Variants in DLGAP2 observed in about 807,000 individuals in gnomAD.
DLGAP2 encodes the protein DLG associated protein 2, also known as disks large-associated protein 2.
In DLGAP2, 26 loss-of-function variants were observed where a neutral mutation model predicts 100.3. The observed-to-expected ratio is 0.26, with a 90% CI of 0.19 to 0.36. The LOEUF is 0.36. Ranked by LOEUF, DLGAP2 falls within the 10% of genes least tolerant of loss-of-function variation. DLGAP2 has a pLI of 1.00. For synonymous variants in DLGAP2, 886 were observed against 630.1 expected (o/e 1.41, Z -6.08); for missense variants, 1,858 against 1,453.2 (o/e 1.28, Z -4.53).
At chr8:1,129,593 C>T (rs192357738) in intron 2 of DLGAP2, among the ~76,000 whole-genome samples, 2 of 152,234 alleles carry the variant, frequency 1.3e-5, no homozygotes, top group East Asian at 1.9e-4. Flanking sequence ...ACGAGCCTTG[C>T]GGGAAGCCTG....
intron 3 of DLGAP2, among the ~76,000 whole-genome samples, chr8:1,275,375 C>A (rs78239917): frequency 5.5e-5 from 8 of 144,640 alleles, no homozygotes; most frequent in African/African-American, 1.3e-4. Context: ...AAAAAAAAAA[C>A]ACAATAGATT....
intron 2 of DLGAP2, among the ~76,000 whole-genome samples, chr8:940,375 AG>A (rs1004465257): frequency 6.6e-6 from 1 of 151,522 alleles, no homozygotes; most frequent in African/African-American, 2.4e-5. Flanking sequence ...AGAGAGAGGG[AG>A]AGGGAGAGAG....
At position 1,352,665 on chromosome 8, in the gene DLGAP2, C is replaced by T. The variant is rs544595165; in HGVS notation, c.106+93782C>T. Among the ~76,000 whole-genome samples, 3 of 152,312 alleles carry T rather than the reference C, an allele frequency of 2.0e-5. No homozygotes were observed. The South Asian group carries it at 6.2e-4, about 32-fold the overall frequency. The stretch of plus-strand genomic sequence containing the variant: ...GTAAAGACTCGAACCCTGACTGGGG[C>T]GTGGCTGGCCTTGTCCACGTTCCTT... On this transcript the variant is annotated intron_variant, in intron 3 of 14. Coordinates refer to ENST00000637795, the MANE Select transcript of DLGAP2 (RefSeq NM_001346810.2).
chr8:905,072 G>A (rs897188421), intron 1 of DLGAP2, among the ~76,000 whole-genome samples: 7 of 152,164 alleles, frequency 4.6e-5, no homozygotes, highest in Admixed American at 4.6e-4. Flanking sequence ...TTAGGGGTGA[G>A]CGCCTTTTTC....
intron 2 of DLGAP2, among the ~76,000 whole-genome samples, chr8:961,970 A>T (rs532118379): frequency 5.1e-4 from 77 of 152,282 alleles, no homozygotes; most frequent in African/African-American, 1.8e-3. Flanking sequence ...GTCATCATGG[A>T]CGCCACCAGT....
chr8:943,432 G>A lies in DLGAP2; in HGVS notation c.73+35466G>A, dbSNP rs148740142. ...CATATGTGCGGCACCCGCGTGTCTG[G>A]TGGCTGCTCTGTGGGAAAGTAGAGC... On this transcript the variant is annotated intron_variant, in intron 2 of 14. Coordinates refer to ENST00000637795, the MANE Select transcript of DLGAP2 (RefSeq NM_001346810.2). 1.8e-4 allele frequency among the ~76,000 whole-genome samples: 27 copies of A among 152,384 alleles called. No homozygotes were observed. The East Asian group carries it at 5.0e-3, about 28-fold the overall frequency.
At chr8:1,292,196 C>T (rs559524756) in intron 3 of DLGAP2, among the ~76,000 whole-genome samples, 54 of 152,320 alleles carry the variant, frequency 3.5e-4, no homozygotes, top group African/African-American at 1.3e-3. Flanking sequence ...GCACCCCCTC[C>T]TCTGTTGGCT....
chr8:1,050,045 G>A (rs1802632427), intron 2 of DLGAP2, among the ~76,000 whole-genome samples: 2 of 152,036 alleles, frequency 1.3e-5, no homozygotes, highest in African/African-American at 4.8e-5. Flanking sequence ...CACACATGCT[G>A]TCACACACAT....
intron 12 of DLGAP2, among the ~76,000 whole-genome samples, chr8:1,690,031 C>G (rs1799216563): frequency 6.6e-6 from 1 of 152,156 alleles, no homozygotes; most frequent in Admixed American, 6.5e-5. Context: ...CAGCTGTTTA[C>G]AAAGTGGTGA....
At chr8:1,514,955 A>G (rs913589888) in intron 4 of DLGAP2, among the ~76,000 whole-genome samples, 2 of 152,168 alleles carry the variant, frequency 1.3e-5, no homozygotes, top group Non-Finnish European at 2.9e-5. Context: ...GCACGCAGGG[A>G]GACCGACGTG....
chr8:1,214,497 AAC>A (rs943210012), intron 2 of DLGAP2, among the ~76,000 whole-genome samples: 14 of 152,124 alleles, frequency 9.2e-5, no homozygotes, highest in Admixed American at 3.9e-4. Context: ...GAGATGCTGA[AAC>A]AGAGGGCAGT....
intron 4 of DLGAP2, among the ~76,000 whole-genome samples, chr8:1,517,887 A>G (rs1199962966): frequency 6.6e-6 from 1 of 152,172 alleles, no homozygotes; most frequent in Non-Finnish European, 1.5e-5. Flanking sequence ...GAGACTGGGG[A>G]GCCTTGCACA....
At chr8:1,568,100 G>C (rs1010359000) in intron 6 of DLGAP2, among the ~76,000 whole-genome samples, 3 of 142,440 alleles carry the variant, frequency 2.1e-5, no homozygotes, top group Non-Finnish European at 4.6e-5. Context: ...GTCTCTGCCT[G>C]TGGCCCCCAT....
At chr8:1,186,329 T>A (rs1797504079) in intron 2 of DLGAP2, among the ~76,000 whole-genome samples, 1 of 152,212 alleles carries the variant, frequency 6.6e-6, no homozygotes, top group Non-Finnish European at 1.5e-5. Flanking sequence ...CATAAAATTA[T>A]TTCCTCCTTA....
chr8:1,039,204 C>T lies in DLGAP2; in HGVS notation c.73+131238C>T, dbSNP rs532359505. 9.4e-4 allele frequency among the ~76,000 whole-genome samples: 140 copies of T among 149,356 alleles called. 1 individual carries two copies. Among genetic ancestry groups the T allele is most frequent in the African/African-American group, 3.2e-3 (129 of 40,656 alleles). On this transcript the variant is annotated intron_variant, in intron 2 of 14. Coordinates refer to ENST00000637795, the MANE Select transcript of DLGAP2 (RefSeq NM_001346810.2). ...GTCAGCTCGGTTTCCGTGGTCAGCT[C>T]GGTGTGCGTGGTCAGCTCGGTTTCC...
At position 867,931 on chromosome 8, in the gene DLGAP2, C is replaced by T. The variant is rs543323905; in HGVS notation, c.19-39981C>T. 2.0e-4 allele frequency among the ~76,000 whole-genome samples: 30 copies of T among 152,266 alleles called. No individual in the cohort carries two copies. The East Asian group carries it at 5.2e-3, about 26-fold the overall frequency. ...TTGGCAGTTGTGCCAATTTTATACT[C>T]ATTATGAAAAGATTTGTTAACATCT... On this transcript the variant is annotated intron_variant, in intron 1 of 14. Transcript: ENST00000637795.
chr8:817,140 C>A (rs75285398), intron 1 of DLGAP2, among the ~76,000 whole-genome samples: 5 of 115,052 alleles, frequency 4.3e-5, no homozygotes, highest in East Asian at 2.5e-4. Context: ...GACTCCGTCT[C>A]AAAAAAAAAA....
chr8:754,371 A>G (rs1820866406), intron 1 of DLGAP2: 2 of 152,202 alleles, frequency 1.3e-5, no homozygotes, highest in Non-Finnish European at 2.9e-5. Context: ...AAAATCCAGG[A>G]CTGACAGAAG....
At chr8:1,470,229 C>G (rs1644989123) in intron 3 of DLGAP2, among the ~76,000 whole-genome samples, 1 of 152,116 alleles carries the variant, frequency 6.6e-6, no homozygotes, top group African/African-American at 2.4e-5. Context: ...CTTCACTCCG[C>G]TGTCTCGCTG....
Sources: allele counts gnomAD v4.1 joint callset (sites outside exome capture counted in the v4.1 genomes callset), GRCh38; gene constraint gnomAD v4.1.1; transcripts MANE v1.5; gene names NCBI Gene and HGNC (gene_info 2026-07-23, HGNC 2026-07-21).